ADD3: variants seen among roughly 807,000 people sequenced by gnomAD.
ADD3 encodes gamma-adducin.
Under a neutral mutation model 80.2 loss-of-function variants are expected in ADD3, and 25 were observed. That is an observed-to-expected ratio of 0.31 (90% CI 0.23 to 0.44). ADD3 has a LOEUF of 0.44. ADD3 is among the 20% of genes least tolerant of loss of function. The pLI, the probability that ADD3 is intolerant of heterozygous loss-of-function variation, is 1.00. For missense variants in ADD3, 829 were observed against 847.5 expected (o/e 0.98, Z 0.27); for synonymous variants, 284 against 289.6 (o/e 0.98, Z 0.20).
At chr10:110,025,939 T>G (rs1854238767) in intron 1 of ADD3, among the ~76,000 whole-genome samples, 1 of 152,118 alleles carries the variant, frequency 6.6e-6, no homozygotes, top group African/African-American at 2.4e-5. Flanking sequence ...AAAAAAAAAT[T>G]TCATCGAATT....
intron 1 of ADD3, among the ~76,000 whole-genome samples, chr10:110,052,533 C>G (rs570142107): frequency 6.6e-6 from 1 of 152,308 alleles, no homozygotes; most frequent in South Asian, 2.1e-4. Context: ...AGCCACAGTT[C>G]CATTGGGAAA....
At chr10:110,112,672 A>C in intron 2 of ADD3, 105 bp from the exon 3 acceptor site, 2 of 1,325,374 alleles carry the variant, frequency 1.5e-6, no homozygotes, top group Non-Finnish European at 2.1e-6. Context: ...AGTACAGGTA[A>C]AAGCTATTCA....
intron 1 of ADD3, among the ~76,000 whole-genome samples, chr10:110,100,185 T>TA (rs1848645825): frequency 6.6e-6 from 1 of 151,646 alleles, no homozygotes; most frequent in African/African-American, 2.4e-5. Flanking sequence ...CATCTCTACT[T>TA]AAAAAAATAC....
Position 110,033,012 on chromosome 10 carries a change from GGTGA to G in ADD3, c.-30+24715_-30+24718del, listed in dbSNP as rs538513781. On this transcript the variant is annotated intron_variant, in intron 1 of 14. Transcript: ENST00000356080. ...TAAAAGAGACAGTGGCAGCCTTGTG[GGTGA>G]GGGGAATGTGGACCTAATTACTCAT... Among the ~76,000 whole-genome samples, 168 of 152,236 alleles carry G rather than the reference GGTGA, an allele frequency of 1.1e-3. 1 individual carries two copies. The highest frequency in any genetic ancestry group is 1.2e-3 in the Non-Finnish European group (79 of 68,010).
At position 109,999,106 on chromosome 10, in the gene ADD3, A is replaced by T. The variant is rs555120152; in HGVS notation, n.79+2660A>T. ...TAACTGAGTGAATTAATGGACAGTGACTGGAAGTGTGGCAACTTAAACAAG... is the reference window on the plus strand; with the variant it reads ...TAACTGAGTGAATTAATGGACAGTGTCTGGAAGTGTGGCAACTTAAACAAG... On this transcript the variant is annotated intron_variant and non_coding_transcript_variant, in intron 1 of 5. Transcript: ENST00000468251. Among the ~76,000 whole-genome samples, 6 of 152,308 alleles carry T rather than the reference A, an allele frequency of 3.9e-5. No individual in the cohort carries two copies. In the East Asian group the frequency reaches 1.2e-3, roughly 29 times the overall value.
intron 1 of ADD3, among the ~76,000 whole-genome samples, chr10:110,096,265 A>G (rs1848139109): frequency 6.6e-6 from 1 of 152,170 alleles, no homozygotes; most frequent in Admixed American, 6.5e-5. Flanking sequence ...AAGTTAACAC[A>G]TTCTTGTTAG....
At chr10:110,042,686 T>TG (rs925556511) in intron 1 of ADD3, among the ~76,000 whole-genome samples, 7 of 48,262 alleles carry the variant, frequency 1.5e-4, no homozygotes, top group Admixed American at 7.2e-4. Context: ...TGTCTGGTGC[T>TG]GTTTTTTTTT....
chr10:110,108,358 A>G (rs1849621440), intron 2 of ADD3, among the ~76,000 whole-genome samples: 1 of 152,200 alleles, frequency 6.6e-6, no homozygotes, highest in Non-Finnish European at 1.5e-5. Context: ...TCAGAGATAC[A>G]ATCCAAGTCT....
chr10:110,091,418 C>T (rs1847494531), intron 1 of ADD3, among the ~76,000 whole-genome samples: 1 of 152,174 alleles, frequency 6.6e-6, no homozygotes, highest in Non-Finnish European at 1.5e-5. Context: ...CAGCCTGGTA[C>T]TGGTTCAAAA....
intron 1 of ADD3, among the ~76,000 whole-genome samples, chr10:110,080,641 T>C (rs567907443): frequency 4.6e-5 from 7 of 152,222 alleles, no homozygotes; most frequent in Non-Finnish European, 7.3e-5. Flanking sequence ...TGTGAAGTTA[T>C]GTTTGTTTTT....
In ADD3 at chr10:110,052,438, T is replaced by C. The variant is rs1487291160; in HGVS notation, c.-30+44139T>C. 3.9e-5 allele frequency among the ~76,000 whole-genome samples: 6 copies of C among 152,324 alleles called. No homozygotes were observed. In the South Asian group the frequency reaches 6.2e-4, roughly 16 times the overall value. ...GATCAGTGGTAGCATTAGATTCTCATAGGGGCCCGAACCCTGTTGTGAACT... is the reference window on the plus strand; with the variant it reads ...GATCAGTGGTAGCATTAGATTCTCACAGGGGCCCGAACCCTGTTGTGAACT... On this transcript the variant is annotated intron_variant, in intron 1 of 14. Coordinates refer to ENST00000356080, the MANE Select transcript of ADD3 (RefSeq NM_016824.5).
intron 1 of ADD3, among the ~76,000 whole-genome samples, chr10:110,024,431 CT>C (rs1397254057): frequency 1.3e-5 from 2 of 152,208 alleles, no homozygotes; most frequent in Non-Finnish European, 2.9e-5. Context: ...TCCAGTAAGA[CT>C]TTTTGCACAT....
At position 110,135,491 on chromosome 10, in the gene ADD3, A is replaced by G. The variant is rs1375950696; in HGVS notation, c.*1873A>G. On this transcript the variant is annotated 3_prime_UTR_variant, in exon 15 of 15. Coordinates refer to ENST00000356080, the MANE Select transcript of ADD3 (RefSeq NM_016824.5). The stretch of plus-strand genomic sequence containing the variant: ...CTCTGTGTCCTGTGGAAAAATGTAT[A>G]AATGTTATCTGATATTGCTCTTAGA... 6.6e-6 allele frequency: 1 copy of G among 152,612 alleles called. No homozygotes were observed. Among genetic ancestry groups the G allele is most frequent in the Non-Finnish European group, 1.5e-5 (1 of 68,020 alleles). The allele number at this position is 152,612 out of a possible 1,614,324, so 9.5% of individuals were successfully genotyped here. A position where few individuals can be genotyped will look rare whatever the true frequency, so the allele number is the denominator to read the frequency against.
intron 1 of ADD3, among the ~76,000 whole-genome samples, chr10:110,066,194 G>A (rs1843933705): frequency 6.6e-6 from 1 of 152,132 alleles, no homozygotes; most frequent in African/African-American, 2.4e-5. Context: ...TAGCAAGGGA[G>A]ACTTTTTCCA....
chr10:110,025,742 T>G (rs1416744909), intron 1 of ADD3, among the ~76,000 whole-genome samples: 2 of 152,182 alleles, frequency 1.3e-5, no homozygotes, highest in African/African-American at 4.8e-5. Flanking sequence ...CTCTGTCCAG[T>G]GCTTTTTTCA....
chr10:110,075,933 C>G (rs72828283), intron 1 of ADD3, among the ~76,000 whole-genome samples: 2 of 152,128 alleles, frequency 1.3e-5, no homozygotes, highest in Non-Finnish European at 2.9e-5. Context: ...AGAGGATGTT[C>G]TAGGCCATCT....
chr10:110,100,599 G>A, intron 1 of ADD3, 26 bp from the exon 2 acceptor site: 2 of 1,378,174 alleles, frequency 1.5e-6, no homozygotes, highest in Non-Finnish European at 1.9e-6. Flanking sequence ...TATCATGGAT[G>A]TCCTTCTTTG....
intron 1 of ADD3, among the ~76,000 whole-genome samples, chr10:109,999,743 TTAA>T (rs1198162549): frequency 4.6e-5 from 7 of 152,248 alleles, no homozygotes; most frequent in African/African-American, 1.7e-4. Context: ...CTATCATATC[TTAA>T]TAATTATTAA....
chr10:110,036,986 A>G (rs954803845), intron 1 of ADD3, among the ~76,000 whole-genome samples: 6 of 152,122 alleles, frequency 3.9e-5, no homozygotes, highest in South Asian at 2.1e-4. Flanking sequence ...TTTGCTTCCC[A>G]TAAGTGGTCA....
Sources: gnomAD v4.1 joint callset for allele counts (sites outside exome capture counted in the v4.1 genomes callset) on GRCh38, gnomAD v4.1.1 for gene constraint, MANE v1.5 for transcripts, NCBI Gene and HGNC (gene_info 2026-07-23, HGNC 2026-07-21) for gene names.